Variants in TAFA1 observed in about 807,000 individuals in gnomAD.
TAFA1 encodes TAFA chemokine like family member 1.
In TAFA1, 4 loss-of-function variants were observed where a neutral mutation model predicts 18.5. That is an observed-to-expected ratio of 0.22 (90% CI 0.11 to 0.49). The LOEUF (loss-of-function observed/expected upper bound fraction) is 0.49. TAFA1 is among the 20% of genes least tolerant of loss of function. The probability of loss-of-function intolerance (pLI) is 0.98; values close to 1 mark genes in which losing one functional copy is unlikely to be tolerated. For missense variants in TAFA1, 147 were observed against 169.0 expected, an observed-to-expected ratio of 0.87 and a Z score of 0.72; for synonymous variants, 56 against 55.2, an observed-to-expected ratio of 1.01 and a Z score of -0.06.
chr3:68,224,179 T>C (rs2066768188), intron 2 of TAFA1, among the ~76,000 whole-genome samples: 2 of 152,016 alleles, frequency 1.3e-5, no homozygotes, highest in Admixed American at 1.3e-4. Context: ...GAATTGTCTT[T>C]GGTAAATAAA....
chr3:68,487,823 A>AAAAAAG (rs2072375065), intron 3 of TAFA1, among the ~76,000 whole-genome samples: 5 of 150,242 alleles, frequency 3.3e-5, no homozygotes, highest in South Asian at 2.1e-4. Flanking sequence ...AAAAAAAAAA[A>AAAAAAG]GGTGAAGTGA....
At chr3:68,068,403 T>C (rs1559724535) in intron 2 of TAFA1, among the ~76,000 whole-genome samples, 1 of 152,168 alleles carries the variant, frequency 6.6e-6, no homozygotes, top group Non-Finnish European at 1.5e-5. Context: ...ATTTCTCTTG[T>C]TTATATTAGC....
At chr3:68,092,101 C>T (rs1314532028) in intron 2 of TAFA1, among the ~76,000 whole-genome samples, 1 of 152,108 alleles carries the variant, frequency 6.6e-6, no homozygotes, top group Non-Finnish European at 1.5e-5. Context: ...TCTCTAATAC[C>T]CAACTCACCT....
intron 2 of TAFA1, among the ~76,000 whole-genome samples, chr3:68,117,747 A>G (rs1453625226): frequency 6.6e-6 from 1 of 152,228 alleles, no homozygotes; most frequent in Non-Finnish European, 1.5e-5. Context: ...TGTAAGTGTT[A>G]TGTCTTAAAA....
chr3:68,443,105 A>C (rs575268987), intron 3 of TAFA1, among the ~76,000 whole-genome samples: 83 of 152,220 alleles, frequency 5.5e-4, no homozygotes, highest in Non-Finnish European at 1.0e-3. Context: ...CTACTTCGTA[A>C]TTACCTTGGC....
intron 2 of TAFA1, among the ~76,000 whole-genome samples, chr3:68,103,054 A>G (rs1489474116): frequency 6.6e-6 from 1 of 152,186 alleles, no homozygotes; most frequent in African/African-American, 2.4e-5. Context: ...GCATGCATGC[A>G]TGGAGTGACC....
intron 3 of TAFA1, among the ~76,000 whole-genome samples, chr3:68,531,392 G>A (rs544847668): frequency 1.3e-4 from 20 of 152,054 alleles, no homozygotes; most frequent in Middle Eastern, 3.4e-3. Flanking sequence ...AGGGACAAGC[G>A]GGTGACTTGA....
chr3:68,430,359 G>A (rs988669565), intron 3 of TAFA1, among the ~76,000 whole-genome samples: 1 of 151,966 alleles, frequency 6.6e-6, no homozygotes, highest in Non-Finnish European at 1.5e-5. Flanking sequence ...GAAGCCCATA[G>A]GACAATGAAA....
At chr3:68,400,414 A>G (rs1002342311) in intron 2 of TAFA1, among the ~76,000 whole-genome samples, 1 of 152,228 alleles carries the variant, frequency 6.6e-6, no homozygotes, top group Non-Finnish European at 1.5e-5. Flanking sequence ...TTACAAAACT[A>G]TAGTGCATTC....
At chr3:68,193,632 A>C (rs2066375777) in intron 2 of TAFA1, among the ~76,000 whole-genome samples, 1 of 151,796 alleles carries the variant, frequency 6.6e-6, no homozygotes, top group Non-Finnish European at 1.5e-5. Flanking sequence ...TCTTTCCTTA[A>C]GCAAAAATGT....
intron 2 of TAFA1, among the ~76,000 whole-genome samples, chr3:68,074,344 G>C (rs1459503654): frequency 6.6e-6 from 1 of 152,116 alleles, no homozygotes; most frequent in East Asian, 1.9e-4. Context: ...ACTGGTACTG[G>C]TCCGTGGTCT....
chr3:68,242,821 T>A (rs909798734), intron 2 of TAFA1, among the ~76,000 whole-genome samples: 1 of 152,248 alleles, frequency 6.6e-6, no homozygotes, highest in East Asian at 1.9e-4. Flanking sequence ...GTGAGACGTG[T>A]GTGTGTGTGT....
intron 2 of TAFA1, among the ~76,000 whole-genome samples, chr3:68,181,916 C>A (rs187218079): frequency 6.6e-6 from 1 of 152,280 alleles, no homozygotes; most frequent in Admixed American, 6.5e-5. Flanking sequence ...ATGATAAATA[C>A]AGTTTACAGG....
intron 2 of TAFA1, among the ~76,000 whole-genome samples, chr3:68,013,972 T>A (rs1045864871): frequency 9.9e-5 from 15 of 152,192 alleles, no homozygotes; most frequent in African/African-American, 3.1e-4. Flanking sequence ...GAGGAAGACC[T>A]CTCACATCCT....
At chr3:68,028,333 T>C (rs759586095) in intron 2 of TAFA1, among the ~76,000 whole-genome samples, 1 of 150,978 alleles carries the variant, frequency 6.6e-6, no homozygotes, top group African/African-American at 2.5e-5. Context: ...AACAAAAAAG[T>C]ATATATATAT....
chr3:68,418,302 C>T (rs530515468), intron 3 of TAFA1, among the ~76,000 whole-genome samples: 50 of 151,788 alleles, frequency 3.3e-4, no homozygotes, highest in Non-Finnish European at 5.6e-4. Flanking sequence ...AGGAAAATTA[C>T]AGTCAAAGGG....
At chr3:68,209,329 T>A (rs956264051) in intron 2 of TAFA1, among the ~76,000 whole-genome samples, 1 of 152,026 alleles carries the variant, frequency 6.6e-6, no homozygotes, top group Non-Finnish European at 1.5e-5. Context: ...GATTTTTAAA[T>A]TCAGCAATAG....
intron 2 of TAFA1, among the ~76,000 whole-genome samples, chr3:68,264,739 TATA>T (rs2067509924): frequency 6.8e-6 from 1 of 146,200 alleles, no homozygotes; most frequent in Admixed American, 6.7e-5. Context: ...TTATATTCTA[TATA>T]ATTTCTATAA....
chr3:68,335,458 A>G (rs993684134), intron 2 of TAFA1, among the ~76,000 whole-genome samples: 5 of 152,198 alleles, frequency 3.3e-5, no homozygotes, highest in African/African-American at 1.2e-4. Context: ...ATGATTATAC[A>G]CATGATCTTA....
Sources: gnomAD v4.1 joint callset for allele counts (sites outside exome capture counted in the v4.1 genomes callset) on GRCh38, gnomAD v4.1.1 for gene constraint, MANE v1.5 for transcripts, NCBI Gene and HGNC (gene_info 2026-07-23, HGNC 2026-07-21) for gene names.